Variants in SHBG observed in about 807,000 individuals in gnomAD.
SHBG encodes sex hormone-binding globulin.
A neutral mutation model predicts 41.9 loss-of-function variants in SHBG; 37 were observed. The observed-to-expected ratio is 0.88, with a 90% CI of 0.68 to 1.16. The LOEUF is 1.16. SHBG is among the 50% of genes most tolerant of loss of function. The pLI, the probability that SHBG is intolerant of heterozygous loss-of-function variation, is 0.00. For synonymous variants in SHBG, 217 were observed against 205.8 expected (o/e 1.05, Z -0.47); for missense variants, 466 against 499.9 (o/e 0.93, Z 0.65).
chr17:7,629,446 A>G (rs2072329577), upstream of SHBG, among the ~76,000 whole-genome samples: 1 of 152,118 alleles, frequency 6.6e-6, no homozygotes, highest in African/African-American at 2.4e-5. Flanking sequence ...TTCTACTGCT[A>G]GACTGTTTAG....
chr17:7,616,580 G>C (rs2071995682), intron 1 of SHBG, among the ~76,000 whole-genome samples: 1 of 151,288 alleles, frequency 6.6e-6, no homozygotes, highest in Non-Finnish European at 1.5e-5. Context: ...AGCGGAGATC[G>C]TGCCACTGCA....
intron 1 of SHBG, among the ~76,000 whole-genome samples, chr17:7,621,730 G>A (rs557032465): frequency 6.7e-4 from 102 of 152,052 alleles, no homozygotes; most frequent in African/African-American, 2.3e-3. Flanking sequence ...TGGAATTGGG[G>A]GAGAAATTAC....
At chr17:7,624,592 C>G (rs1285538559), upstream of SHBG, among the ~76,000 whole-genome samples, 1 of 152,072 alleles carries the variant, frequency 6.6e-6, no homozygotes, top group African/African-American at 2.4e-5. Flanking sequence ...GTCTTGAACT[C>G]CTGGGCTCAA....
upstream of SHBG, among the ~76,000 whole-genome samples, chr17:7,628,550 G>A (rs2072298335): frequency 6.6e-6 from 1 of 151,882 alleles, no homozygotes; most frequent in Admixed American, 6.6e-5. Context: ...GGGTTCAAGC[G>A]ATTCTCCTGC....
chr17:7,615,272 G>A (rs1320742257), intron 1 of SHBG, among the ~76,000 whole-genome samples: 2 of 152,132 alleles, frequency 1.3e-5, no homozygotes, highest in East Asian at 1.9e-4. Flanking sequence ...AGTTAGGGAT[G>A]GGCATGCGCC....
upstream of SHBG, chr17:7,626,438 G>C: frequency 6.2e-7 from 1 of 1,613,686 alleles, no homozygotes; most frequent in Non-Finnish European, 8.5e-7. Flanking sequence ...GATCCTCCTA[G>C]GGATGGCGTC....
upstream of SHBG, among the ~76,000 whole-genome samples, chr17:7,623,724 T>C (rs903494319): frequency 6.6e-6 from 1 of 152,206 alleles, no homozygotes; most frequent in Non-Finnish European, 1.5e-5. Flanking sequence ...TTTTCCAAAA[T>C]GCTGGGATTA....
rs2072459189 is a variant in SHBG, at chr17:7,632,737, C to A, written c.853-15C>A. ...TCCCTCTCTCTCTACCGTCCCTTTC[C>A]CACACACTCTGCAGAAGGTGGTGTT... On this transcript the variant is annotated splice_polypyrimidine_tract_variant and intron_variant, in intron 6 of 7. Coordinates refer to ENST00000380450, the MANE Select transcript of SHBG (RefSeq NM_001040.5). The A allele has an allele frequency of 6.2e-7, 1 of 1,606,546 alleles. No homozygotes were observed. The highest frequency in any genetic ancestry group is 8.5e-7 in the Non-Finnish European group (1 of 1,174,216).
Position 7,632,732 on chromosome 17 carries a change from CT to C in SHBG, c.853-17del, listed in dbSNP as rs2072459004. ...ATTCTTCCCTCTCTCTCTACCGTCCCTTTCCCACACACTCTGCAGAAGGTGG... is the reference window on the plus strand; with the variant it reads ...ATTCTTCCCTCTCTCTCTACCGTCCCTTCCCACACACTCTGCAGAAGGTGG... On this transcript the variant is annotated intron_variant, in intron 6 of 7. Transcript: ENST00000380450. The C allele has an allele frequency of 1.2e-6, 2 of 1,602,430 alleles. No individual in the cohort carries two copies. Among genetic ancestry groups the C allele is most frequent in the South Asian group, 1.1e-5 (1 of 90,760 alleles).
chr17:7,614,773 CGCCGCT>C (rs2071932322), intron 1 of SHBG: 2 of 226,168 alleles, frequency 8.8e-6, no homozygotes. Flanking sequence ...CGGCCGCCGC[CGCCGCT>C]GCCTTCGTCA....
At chr17:7,614,142 C>T (rs1038869042) in intron 1 of SHBG, 6 of 603,842 alleles carry the variant, frequency 9.9e-6, no homozygotes, top group Middle Eastern at 4.2e-4. Context: ...CGGACACAGT[C>T]AATTAGAAGC....
rs1310013075 is a variant in SHBG, at chr17:7,631,751, A to G, written c.715+3A>G. The G allele has an allele frequency of 6.2e-7, 1 of 1,613,946 alleles. No homozygotes were observed. The highest frequency in any genetic ancestry group is 8.5e-7 in the Non-Finnish European group (1 of 1,179,962). On this transcript the variant is annotated splice_donor_region_variant and intron_variant, in intron 5 of 7. Coordinates refer to ENST00000380450, the MANE Select transcript of SHBG (RefSeq NM_001040.5). The stretch of plus-strand genomic sequence containing the variant: ...TCAGGCAGAATTCAATCTCCGAGGT[A>G]GATTTCCTCGGAGTCTATTTTTCCC...
At chr17:7,624,943 C>CTT (rs907499817), upstream of SHBG, among the ~76,000 whole-genome samples, 175 of 93,684 alleles carry the variant, frequency 1.9e-3, no homozygotes, top group Non-Finnish European at 2.4e-3. Flanking sequence ...CAGGCGTGAG[C>CTT]TTTTTTTTTT....
At chr17:7,627,406 G>C, upstream of SHBG, 2 of 1,614,004 alleles carry the variant, frequency 1.2e-6, no homozygotes, top group Non-Finnish European at 1.7e-6. This position sits in a 1 kb window ranked among gnomAD's most constrained non-coding sequence, Gnocchi z 4.8. Flanking sequence ...TTTCGAATTC[G>C]GCTAGCTCCT....
chr17:7,628,138 C>A, upstream of SHBG: 1 of 459,502 alleles, frequency 2.2e-6, no homozygotes, highest in East Asian at 6.8e-5. Flanking sequence ...CTCACTCACC[C>A]GCCCAGACCC....
chr17:7,630,464 G>A lies in SHBG; in HGVS notation c.160G>A (p.Glu54Lys), dbSNP rs766293814. ...AVHLSNGPGQ[E>K]PIAVMTFDLT... ...CCACCTCAGCAATGGCCCAGGACAA[G>A]AGCCTATCGCTGTCATGACCTTTGA... is the stretch of plus-strand genomic sequence containing the variant. The change falls in exon 2 of 8, where the codon GAG (glutamate) becomes AAG (lysine). Residue 54 changes from glutamate to lysine, a missense_variant. Glu to Lys is a moderately conservative substitution (Grantham distance 56). Coordinates refer to ENST00000380450, the MANE Select transcript of SHBG (RefSeq NM_001040.5). This position sits in a 1 kb window ranked among gnomAD's most constrained non-coding sequence, Gnocchi z 4.6. 7 of 1,614,168 alleles carry A rather than the reference G, an allele frequency of 4.3e-6. No homozygotes were observed. In the South Asian group the frequency reaches 7.7e-5, roughly 18 times the overall value.
At position 7,630,819 on chromosome 17, in the gene SHBG, C is replaced by T; in HGVS notation, c.343C>T (p.Gln115Ter). ...GATCCAACTGCACAATCACTGGGCC[C>T]AGCTTACGGTGGGTGCTGGACCACG... ...PEIQLHNHWA[Q>*]LTVGAGPRLD... The change falls in exon 3 of 8, where the codon CAG (glutamine) becomes TAG (stop). Residue 115 changes from glutamine (Q) to a stop codon, truncating the protein, a stop_gained. Coordinates refer to ENST00000380450, the MANE Select transcript of SHBG (RefSeq NM_001040.5). LOFTEE classifies it high-confidence loss of function. The surrounding 1 kb of genome is among the most constrained non-coding windows in gnomAD (Gnocchi z 4.6). The T allele has an allele frequency of 1.9e-6, 3 of 1,613,952 alleles. No homozygotes were observed. The highest frequency in any genetic ancestry group is 4.5e-5 in the East Asian group (2 of 44,874).
rs187944900 is a variant in SHBG, at chr17:7,621,428, C to T, written c.-62+7317C>T. 1.7e-5 allele frequency among the ~76,000 whole-genome samples: 2 copies of T among 114,768 alleles called. 1 individual carries two copies. The highest frequency in any genetic ancestry group is 5.6e-5 in the African/African-American group (2 of 36,000). 75.3% of individuals were successfully genotyped at this position (114,768 alleles called of 152,430 possible). A position where few individuals can be genotyped will look rare whatever the true frequency, so the allele number is the denominator to read the frequency against. ...CCTGGCCAACATGGTGAAAACCCAT[C>T]TCTACTAAAAAAAAATACAAAAATT... On this transcript the variant is annotated intron_variant, in intron 1 of 5. Coordinates refer to the SHBG transcript ENST00000570547.
At chr17:7,631,011 C>A in intron 3 of SHBG, 142 bp downstream of exon 3, 1 of 982,778 alleles carries the variant, frequency 1.0e-6, no homozygotes, top group Non-Finnish European at 1.5e-6. Context: ...ATTCTTGGCC[C>A]CATCTTTTCT....
Sources: gnomAD v4.1 joint callset for allele counts (sites outside exome capture counted in the v4.1 genomes callset) on GRCh38, gnomAD v4.1.1 for gene constraint, Gnocchi (gnomAD v3.1) non-coding constraint, MANE v1.5 for transcripts, NCBI Gene and HGNC (gene_info 2026-07-23, HGNC 2026-07-21) for gene names.